Variants in CEP112 observed in about 807,000 individuals in gnomAD.
The protein encoded by CEP112 is centrosomal protein of 112 kDa.
A neutral mutation model predicts 153.0 loss-of-function variants in CEP112; 127 were observed. The ratio of observed to expected loss-of-function variants is 0.83; its 90% CI spans 0.72 to 0.96. CEP112 has a LOEUF of 0.96. Ranked by LOEUF, CEP112 falls within the 40% of genes least tolerant of loss-of-function variation. CEP112 has a pLI of 0.00. For synonymous variants in CEP112, 358 were observed against 374.4 expected (o/e 0.96, Z 0.51); for missense variants, 1,089 against 1,101.2 (o/e 0.99, Z 0.16).
rs952139290 is a variant in CEP112 at position 66,075,760 on chromosome 17, C to A, written c.769-5759G>T. On this transcript the variant is annotated intron_variant, in intron 8 of 26. Coordinates refer to ENST00000535342, the MANE Select transcript of CEP112 (RefSeq NM_001199165.4). ...CAGAGCAGTGTGCAGAGGCTTGCAT[C>A]ATGAATTTTAGCTCAAGAATGACTG... Among the ~76,000 whole-genome samples, 7 of 152,156 alleles carry A rather than the reference C, an allele frequency of 4.6e-5. 1 individual carries two copies. Among genetic ancestry groups the A allele is most frequent in the Admixed American group, 4.6e-4 (7 of 15,278 alleles).
intron 20 of CEP112, 28 bp downstream of exon 20, chr17:65,902,124 C>T (rs760725208): frequency 1.6e-5 from 25 of 1,550,772 alleles, no homozygotes; most frequent in Middle Eastern, 3.4e-4. Flanking sequence ...AACAGATACC[C>T]GTTTTATCAA....
chr17:66,007,444 T>G (rs1202496467), intron 16 of CEP112, among the ~76,000 whole-genome samples: 2 of 152,208 alleles, frequency 1.3e-5, no homozygotes, highest in East Asian at 3.8e-4. Context: ...AAGTGTTTAA[T>G]TATTATTTTG....
chr17:65,808,801 T>G (rs1007949168), intron 21 of CEP112, among the ~76,000 whole-genome samples: 8 of 152,202 alleles, frequency 5.3e-5, no homozygotes, highest in Non-Finnish European at 5.9e-5. Flanking sequence ...CTGTTAAGCC[T>G]GCAGAACTGT....
At chr17:65,895,247 C>T (rs973613411) in intron 20 of CEP112, among the ~76,000 whole-genome samples, 36 of 151,974 alleles carry the variant, frequency 2.4e-4, no homozygotes, top group African/African-American at 8.7e-4. Flanking sequence ...AAATGTCATC[C>T]TCATAAGGTA....
intron 19 of CEP112, among the ~76,000 whole-genome samples, chr17:65,923,592 T>A (rs1468703325): frequency 6.6e-6 from 1 of 152,194 alleles, no homozygotes; most frequent in Non-Finnish European, 1.5e-5. Context: ...TTATTCCATT[T>A]TAATGTTTCT....
At chr17:65,945,599 G>T (rs2061625811) in intron 18 of CEP112, among the ~76,000 whole-genome samples, 2 of 151,960 alleles carry the variant, frequency 1.3e-5, no homozygotes, top group Non-Finnish European at 2.9e-5. Flanking sequence ...GTATAGCATT[G>T]TGGTTTTATT....
intron 21 of CEP112, among the ~76,000 whole-genome samples, chr17:65,844,537 T>C (rs2057648585): frequency 6.6e-6 from 1 of 151,420 alleles, no homozygotes; most frequent in Non-Finnish European, 1.5e-5. Flanking sequence ...ATACAAAAAT[T>C]AGCTGGATGT....
At chr17:65,831,856 A>T (rs2057095531) in intron 21 of CEP112, among the ~76,000 whole-genome samples, 1 of 152,182 alleles carries the variant, frequency 6.6e-6, no homozygotes, top group Non-Finnish European at 1.5e-5. Flanking sequence ...AAGAAAGCTT[A>T]CAAGATTTAT....
At chr17:66,019,085 T>C (rs1464760847) in intron 16 of CEP112, among the ~76,000 whole-genome samples, 1 of 152,206 alleles carries the variant, frequency 6.6e-6, no homozygotes, top group Non-Finnish European at 1.5e-5. Flanking sequence ...CCACTAGAGA[T>C]CAATAAAGAC....
intron 8 of CEP112, among the ~76,000 whole-genome samples, chr17:66,073,121 A>C (rs1032269092): frequency 7.9e-5 from 12 of 152,240 alleles, no homozygotes; most frequent in African/African-American, 2.9e-4. Flanking sequence ...AGATGTAAAA[A>C]TTAGGCTTGC....
chr17:65,714,930 T>C (rs2049412310), intron 23 of CEP112, among the ~76,000 whole-genome samples: 1 of 152,030 alleles, frequency 6.6e-6, no homozygotes, highest in Non-Finnish European at 1.5e-5. Flanking sequence ...GGGAGCTGTA[T>C]GAATAGACCT....
chr17:65,788,819 A>G (rs1451309654), intron 21 of CEP112, among the ~76,000 whole-genome samples: 2 of 152,112 alleles, frequency 1.3e-5, no homozygotes, highest in Non-Finnish European at 2.9e-5. Context: ...CAAAGGATCA[A>G]ACTTTGCGTT....
chr17:65,848,023 C>A (rs1276518055), intron 21 of CEP112, among the ~76,000 whole-genome samples: 1 of 152,162 alleles, frequency 6.6e-6, no homozygotes, highest in African/African-American at 2.4e-5. Context: ...GCTGGGGATG[C>A]CATTCCCACC....
At chr17:65,783,538 A>C (rs2054112872) in intron 21 of CEP112, among the ~76,000 whole-genome samples, 2 of 152,252 alleles carry the variant, frequency 1.3e-5, no homozygotes, top group African/African-American at 4.8e-5. Context: ...GAAACAATTC[A>C]AATGTACATC....
intron 19 of CEP112, among the ~76,000 whole-genome samples, chr17:65,906,368 G>T (rs1257829313): frequency 6.6e-6 from 1 of 152,002 alleles, no homozygotes; most frequent in Non-Finnish European, 1.5e-5. Context: ...GTATACCTAT[G>T]TAACAAATCT....
intron 24 of CEP112, 171 bp downstream of exon 24, chr17:65,688,957 AG>A (rs1257744610): frequency 1.1e-5 from 5 of 475,894 alleles, no homozygotes; most frequent in African/African-American, 2.0e-5. Context: ...TAGTAGAGAC[AG>A]GGTTTCACCA....
intron 6 of CEP112, among the ~76,000 whole-genome samples, chr17:66,101,866 T>G (rs2068582805): frequency 1.3e-5 from 2 of 152,118 alleles, no homozygotes; most frequent in African/African-American, 4.8e-5. Flanking sequence ...ACTTAGTGGT[T>G]ATTTCGGACT....
At chr17:65,732,158 T>C (rs1371828489) in intron 23 of CEP112, among the ~76,000 whole-genome samples, 1 of 152,250 alleles carries the variant, frequency 6.6e-6, no homozygotes, top group African/African-American at 2.4e-5. Flanking sequence ...AAATGACTCC[T>C]GGATTAATGA....
At chr17:65,704,675 G>A (rs1476179499) in intron 23 of CEP112, among the ~76,000 whole-genome samples, 3 of 152,228 alleles carry the variant, frequency 2.0e-5, no homozygotes, top group African/African-American at 7.2e-5. Flanking sequence ...GCTGATGAAA[G>A]AGATACTGCT....
Sources: gnomAD v4.1 joint callset for allele counts (sites outside exome capture counted in the v4.1 genomes callset) on GRCh38, gnomAD v4.1.1 for gene constraint, MANE v1.5 for transcripts, NCBI Gene and HGNC (gene_info 2026-07-23, HGNC 2026-07-21) for gene names.